The following DET1 variants were observed in gnomAD, a reference collection of about 807,000 sequenced individuals.
DET1 encodes the protein DET1 homolog.
In DET1, 22 loss-of-function variants were observed where a neutral mutation model predicts 43.7. The observed-to-expected ratio is 0.50, with a 90% CI of 0.36 to 0.72. The LOEUF (loss-of-function observed/expected upper bound fraction) is 0.72, where lower values mean the gene tolerates loss of function less well. DET1 is among the 30% of genes least tolerant of loss of function. DET1 has a pLI of 0.00. For synonymous variants in DET1, 315 were observed against 266.2 expected (o/e 1.18, Z -1.79); for missense variants, 713 against 713.3 (o/e 1.00, Z 0.00).
At chr15:88,523,977 C>A (rs2056581535) in intron 3 of DET1, among the ~76,000 whole-genome samples, 1 of 151,044 alleles carries the variant, frequency 6.6e-6, no homozygotes, top group African/African-American at 2.4e-5. Flanking sequence ...CGGCCGCCAT[C>A]CCATCTAGGA....
At chr15:88,519,296 C>T (rs942954182) in intron 3 of DET1, among the ~76,000 whole-genome samples, 3 of 152,174 alleles carry the variant, frequency 2.0e-5, no homozygotes, top group Non-Finnish European at 4.4e-5. Context: ...GTCACTCTGT[C>T]CAGCTATACC....
intron 1 of DET1, among the ~76,000 whole-genome samples, chr15:88,541,942 G>A (rs977909831): frequency 3.9e-5 from 6 of 152,194 alleles, no homozygotes; most frequent in Admixed American, 2.6e-4. Context: ...CTGGGAGGAA[G>A]CAGCCCCTCT....
At chr15:88,519,504 T>A (rs562621019) in intron 3 of DET1, among the ~76,000 whole-genome samples, 1 of 152,202 alleles carries the variant, frequency 6.6e-6, no homozygotes, top group African/African-American at 2.4e-5. Context: ...TTCTCTCCCA[T>A]CTTTCCAGCT....
rs548006693 is a variant in DET1, at chr15:88,513,092, C to A, written c.1512G>T (p.Gly504=). The A allele has an allele frequency of 1.2e-6, 2 of 1,613,788 alleles. No individual in the cohort carries two copies. The highest frequency in any genetic ancestry group is 1.3e-5 in the African/African-American group (1 of 74,944). ...SGLLKFEIQA[G]LLGRPINHTV... is the part of the protein sequence containing the mutation. ...TGTGGTTGATGGGGCGGCCCAATAACCCCGCCTGGATCTCAAACTTGAGCA... is the reference window on the plus strand; with the variant it reads ...TGTGGTTGATGGGGCGGCCCAATAAACCCGCCTGGATCTCAAACTTGAGCA... The change falls in exon 5 of 5, where the codon GGG becomes GGT. Residue 504 remains glycine (G), a synonymous_variant. Coordinates refer to ENST00000268148, the MANE Select transcript of DET1 (RefSeq NM_001144074.3).
intron 1 of DET1, among the ~76,000 whole-genome samples, chr15:88,541,071 G>T (rs1299946710): frequency 2.5e-5 from 2 of 80,266 alleles, no homozygotes; most frequent in African/African-American, 1.6e-4. Flanking sequence ...CTGGGCAATG[G>T]AATGTCTCGG....
chr15:88,533,499 C>A (rs548926100), intron 1 of DET1, among the ~76,000 whole-genome samples: 1 of 152,074 alleles, frequency 6.6e-6, no homozygotes, highest in African/African-American at 2.4e-5. Context: ...CATATCAGCG[C>A]TATTCATAGT....
At chr15:88,523,208 G>C (rs908705168) in intron 3 of DET1, among the ~76,000 whole-genome samples, 2 of 152,026 alleles carry the variant, frequency 1.3e-5, no homozygotes, top group Admixed American at 6.5e-5. Context: ...TATTCTGTTT[G>C]TTTTGTGTTG....
At chr15:88,533,550 G>C (rs2056871398) in intron 1 of DET1, among the ~76,000 whole-genome samples, 1 of 152,188 alleles carries the variant, frequency 6.6e-6, no homozygotes, top group Admixed American at 6.5e-5. Context: ...ACTGATGGAT[G>C]AGTGGATAAA....
chr15:88,513,064 C>G lies in DET1; in HGVS notation c.1540G>C (p.Val514Leu). The change falls in exon 5 of 5, where the codon GTG becomes CTG. Residue 514 changes from valine to leucine, a missense_variant. Coordinates refer to ENST00000268148, the MANE Select transcript of DET1 (RefSeq NM_001144074.3). Reference protein sequence around the residue: ...GLLGRPINHTVRRLVAFTFHP... With the variant: ...GLLGRPINHTLRRLVAFTFHP... ...AAGGTGAAGGCAACAAGGCGTCGCA[C>G]TGTGTGGTTGATGGGGCGGCCCAAT... 6.2e-7 allele frequency: 1 copy of G among 1,614,084 alleles called. No homozygotes were observed. The highest frequency in any genetic ancestry group is 2.2e-5 in the East Asian group (1 of 44,894).
In DET1 at chr15:88,513,047, G is replaced by A. The variant is rs1598312452; in HGVS notation, c.1557C>T (p.Ala519=). 6.2e-7 allele frequency: 1 copy of A among 1,614,082 alleles called. No homozygotes were observed. The highest frequency in any genetic ancestry group is 8.5e-7 in the Non-Finnish European group (1 of 1,179,908). ...AAGGCTCAAAAGGGTGAAAGGTGAAGGCAACAAGGCGTCGCACTGTGTGGT... is the reference window on the plus strand; with the variant it reads ...AAGGCTCAAAAGGGTGAAAGGTGAAAGCAACAAGGCGTCGCACTGTGTGGT... ...PINHTVRRLV[A]FTFHPFEPFA... Residue 519 remains alanine, a synonymous_variant, in exon 5 of 5, where the codon GCC becomes GCT. Transcript: ENST00000268148.
chr15:88,523,766 A>G (rs1202386828), intron 3 of DET1, among the ~76,000 whole-genome samples: 1 of 152,212 alleles, frequency 6.6e-6, no homozygotes, highest in Non-Finnish European at 1.5e-5. Context: ...GCTGGAGTGC[A>G]GTGGCGTGAT....
At chr15:88,522,290 G>A (rs1259786268) in intron 3 of DET1, among the ~76,000 whole-genome samples, 1 of 151,402 alleles carries the variant, frequency 6.6e-6, no homozygotes, top group East Asian at 1.9e-4. Context: ...CTTCAGTCCT[G>A]GGAATCTATC....
chr15:88,507,761 T>C (rs2056156845), downstream of DET1, among the ~76,000 whole-genome samples: 1 of 152,210 alleles, frequency 6.6e-6, no homozygotes, highest in South Asian at 2.1e-4. Flanking sequence ...TGAAGCTGAT[T>C]TTCTGGATGC....
At chr15:88,542,932 C>A (rs2057149763) in intron 1 of DET1, among the ~76,000 whole-genome samples, 1 of 152,194 alleles carries the variant, frequency 6.6e-6, no homozygotes. Context: ...CTCACCCTGC[C>A]TGCAACAGAA....
chr15:88,528,458 G>A (rs1404710474), intron 2 of DET1, among the ~76,000 whole-genome samples: 2 of 152,182 alleles, frequency 1.3e-5, no homozygotes, highest in Non-Finnish European at 2.9e-5. Flanking sequence ...CCTCATAAAT[G>A]TTCTTTCAGC....
At chr15:88,532,496 A>C (rs1010676894) in intron 1 of DET1, among the ~76,000 whole-genome samples, 4 of 152,244 alleles carry the variant, frequency 2.6e-5, no homozygotes, top group African/African-American at 9.6e-5. Flanking sequence ...GGGCCTCCAA[A>C]TACACAAAAT....
chr15:88,533,268 T>C (rs908927563), intron 1 of DET1, among the ~76,000 whole-genome samples: 16 of 152,130 alleles, frequency 1.1e-4, no homozygotes, highest in African/African-American at 3.9e-4. Context: ...GACTGCTTTT[T>C]TTAAAAAAAG....
intron 1 of DET1, among the ~76,000 whole-genome samples, chr15:88,545,970 A>G (rs916851609): frequency 2.6e-5 from 4 of 151,324 alleles, no homozygotes; most frequent in African/African-American, 9.7e-5. Context: ...ACCTTGTAAT[A>G]GTCATAAAGC....
chr15:88,539,621 ACTT>A (rs2057050262), intron 1 of DET1, among the ~76,000 whole-genome samples: 1 of 152,166 alleles, frequency 6.6e-6, no homozygotes, highest in South Asian at 2.1e-4. Flanking sequence ...CTGGGTAAAA[ACTT>A]CTTCAAGGTC....
Sources: gnomAD v4.1 joint callset for allele counts (sites outside exome capture counted in the v4.1 genomes callset) on GRCh38, gnomAD v4.1.1 for gene constraint, MANE v1.5 for transcripts, NCBI Gene and HGNC (gene_info 2026-07-23, HGNC 2026-07-21) for gene names.